Variants in SGSM2 observed in about 807,000 individuals in gnomAD.
SGSM2 encodes the protein RUN and TBC1 domain containing 1.
SGSM2 carries 89 observed loss-of-function variants against 126.6 expected under a neutral mutation model. The observed-to-expected ratio is 0.70, with a 90% confidence interval of 0.59 to 0.84. SGSM2 has a LOEUF of 0.84. Ranked by LOEUF, SGSM2 falls within the 40% of genes least tolerant of loss-of-function variation. The pLI is 0.00. For missense variants in SGSM2, 1,404 were observed against 1,416.6 expected (o/e 0.99, Z 0.14); for synonymous variants, 614 against 574.3 (o/e 1.07, Z -0.99).
At position 2,373,345 on chromosome 17, in the gene SGSM2, G is replaced by A; in HGVS notation, c.1932G>A (p.Val644=). 2 of 1,612,572 alleles carry A rather than the reference G, an allele frequency of 1.2e-6. No individual in the cohort carries two copies. The highest frequency in any genetic ancestry group is 1.7e-6 in the Non-Finnish European group (2 of 1,179,798). Reference sequence around the variant, plus strand: ...TCTGAGTACAGGTGGACGCAGTGGTGGCAGCAAGGTACCAGCAGGTGTTGG... The same window carrying A: ...TCTGAGTACAGGTGGACGCAGTGGTAGCAGCAAGGTACCAGCAGGTGTTGG... ...KKEMEQVDAV[V]AARYQQVLAE... Residue 644 remains valine, a synonymous_variant, in exon 17 of 24, where the codon GTG becomes GTA. Transcript: ENST00000268989.
chr17:2,377,067 A>C lies in SGSM2; in HGVS notation c.2801A>C (p.Gln934Pro), dbSNP rs893562618. ...THFANMRSLIQILDSELFELM... is the reference protein window; with the variant it reads ...THFANMRSLIPILDSELFELM... ...TTTGCCAACATGCGCTCCCTCATCC[A>C]GGTGAGGCCGGTTGCCACCCATGGG... Residue 934 changes from glutamine to proline, a missense_variant and splice_region_variant, in exon 21 of 24, where the codon CAG (glutamine) becomes CCG (proline). Coordinates refer to ENST00000268989, the MANE Select transcript of SGSM2 (RefSeq NM_014853.3). 3.1e-6 allele frequency: 5 copies of C among 1,606,100 alleles called. No individual in the cohort carries two copies. The African/African-American group carries it at 4.0e-5, about 13-fold the overall frequency.
At chr17:2,361,482 G>A (rs960900739) in intron 2 of SGSM2, among the ~76,000 whole-genome samples, 155 bp from the exon 3 acceptor site, 11 of 152,196 alleles carry the variant, frequency 7.2e-5, no homozygotes, top group African/African-American at 2.7e-4. Context: ...CCGAGGGACG[G>A]GGAGGGGAAT....
Position 2,372,696 on chromosome 17 carries a change from C to A in SGSM2, c.1788+208C>A. 1.2e-6 allele frequency: 1 copy of A among 814,870 alleles called. No individual in the cohort carries two copies. The highest frequency in any genetic ancestry group is 1.9e-6 in the Non-Finnish European group (1 of 518,428). The allele number at this position is 814,870 out of a possible 1,614,324, so 50.5% of individuals were successfully genotyped here. On this transcript the variant is annotated intron_variant, in intron 15 of 23. Transcript: ENST00000268989. This position sits in a 1 kb window ranked among gnomAD's most constrained non-coding sequence, Gnocchi z 6.0. ...CTGGGAAGCCGTCCTGCCTCCACAT[C>A]GCCCTGTGACCCTGGACAAAGCTTT...
rs2066341687 is a variant in SGSM2 at position 2,379,897 on chromosome 17, A to T, written c.*377A>T. On this transcript the variant is annotated 3_prime_UTR_variant, in exon 24 of 24. Transcript: ENST00000268989. ...CAGGGGCTATAGCGGCCTGGGCCCT[A>T]CTCAGCTGGGGTGGCAGAGGGCGAG... 7.7e-7 allele frequency: 1 copy of T among 1,295,114 alleles called. No individual in the cohort carries two copies. Among genetic ancestry groups the T allele is most frequent in the Non-Finnish European group, 9.8e-7 (1 of 1,016,404 alleles). 80.2% of individuals were successfully genotyped at this position (1,295,114 alleles called of 1,614,324 possible). A position where few individuals can be genotyped will look rare whatever the true frequency, so the allele number is the denominator to read the frequency against.
At chr17:2,359,564 G>C (rs1039888310) in intron 2 of SGSM2, among the ~76,000 whole-genome samples, 2 of 152,136 alleles carry the variant, frequency 1.3e-5, no homozygotes, top group Non-Finnish European at 2.9e-5. Flanking sequence ...GCTTCTCTCA[G>C]TATTCCTTAG....
Position 2,367,365 on chromosome 17 carries a change from G to C in SGSM2, c.1383G>C (p.Met461Ile). 1 of 1,614,176 alleles carries C rather than the reference G, an allele frequency of 6.2e-7. No individual in the cohort carries two copies. Among genetic ancestry groups the C allele is most frequent in the Non-Finnish European group, 8.5e-7 (1 of 1,180,030 alleles). ...ATAAACTGCACGCGATGCTCTCAATGATCTGCTCGCGGAACCTCACAGCTC... is the reference window on the plus strand; with the variant it reads ...ATAAACTGCACGCGATGCTCTCAATCATCTGCTCGCGGAACCTCACAGCTC... Reference protein sequence around the residue: ...EEDKLHAMLSMICSRNLTAPN... With the variant: ...EEDKLHAMLSIICSRNLTAPN... Residue 461 changes from methionine to isoleucine, a missense_variant, in exon 12 of 24, where the codon ATG becomes ATC. Physicochemically the swap from Met to Ile is conservative, Grantham distance 10. Transcript: ENST00000268989. This position sits in a 1 kb window ranked among gnomAD's most constrained non-coding sequence, Gnocchi z 4.0.
At chr17:2,346,130 C>T (rs961365008) in intron 2 of SGSM2, among the ~76,000 whole-genome samples, 2 of 152,150 alleles carry the variant, frequency 1.3e-5, no homozygotes, top group Non-Finnish European at 2.9e-5. Context: ...CTGTGCCTTG[C>T]TACTGTCCTA....
chr17:2,342,542 G>T (rs188650921), intron 1 of SGSM2, among the ~76,000 whole-genome samples: 2 of 152,290 alleles, frequency 1.3e-5, no homozygotes, highest in Admixed American at 1.3e-4. Flanking sequence ...CGAGGGTGTT[G>T]GTCACATGTT....
At chr17:2,339,902 A>G (rs1388532908) in intron 1 of SGSM2, among the ~76,000 whole-genome samples, 1 of 152,132 alleles carries the variant, frequency 6.6e-6, no homozygotes, top group African/African-American at 2.4e-5. Context: ...AGGATTTCTT[A>G]GGCCAGGGGT....
intron 1 of SGSM2, among the ~76,000 whole-genome samples, chr17:2,342,411 G>A (rs1412688377): frequency 6.6e-6 from 1 of 152,008 alleles, no homozygotes; most frequent in Non-Finnish European, 1.5e-5. Context: ...GCAAAAGAGC[G>A]AAACTCCATT....
rs1476008396 is a variant in SGSM2 at position 2,364,898 on chromosome 17, G to GCTCT, written c.1002_1003insCTCT (p.Ser335LeufsTer2). ...CGCACTCTCCACGTTCACCCCCAGA[G>GCTCT]AGCGGTGGCACGCTTGTGCTGGTGA... On this transcript the variant is annotated frameshift_variant and splice_region_variant, in exon 10 of 24. Transcript: ENST00000268989. LOFTEE classifies it high-confidence loss of function. The GCTCT allele has an allele frequency of 2.5e-6, 4 of 1,608,892 alleles. No homozygotes were observed. In the Admixed American group the frequency reaches 6.7e-5, roughly 27 times the overall value.
chr17:2,372,574 T>C lies in SGSM2; in HGVS notation c.1788+86T>C, dbSNP rs763868274. On this transcript the variant is annotated intron_variant, in intron 15 of 23. Coordinates refer to ENST00000268989, the MANE Select transcript of SGSM2 (RefSeq NM_014853.3). This position sits in a 1 kb window ranked among gnomAD's most constrained non-coding sequence, Gnocchi z 6.0. ...CTTCAGGGTAAAATGTGCCAGTGGG[T>C]GCGGTTGACAGGCCAGGGCCGATGC... The C allele has an allele frequency of 1.3e-6, 2 of 1,528,120 alleles. No individual in the cohort carries two copies. Among genetic ancestry groups the C allele is most frequent in the East Asian group, 4.6e-5 (2 of 43,260 alleles). 94.7% of individuals were successfully genotyped at this position (1,528,120 alleles called of 1,614,324 possible).
rs1281618785 is a variant in SGSM2, at chr17:2,364,093, C to T, written c.842C>T (p.Ser281Phe). ...EDMEAVPGYLSLHQSAESLTL... is the reference protein window; with the variant it reads ...EDMEAVPGYLFLHQSAESLTL... ...ATGGAGGCGGTCCCTGGCTACCTCTCCCTGCACCAGTCTGCAGAGAGCCTG... is the reference window on the plus strand; with the variant it reads ...ATGGAGGCGGTCCCTGGCTACCTCTTCCTGCACCAGTCTGCAGAGAGCCTG... The change falls in exon 8 of 24, where the codon TCC (serine) becomes TTC (phenylalanine). Residue 281 changes from serine (S) to phenylalanine (F), a missense_variant. Transcript: ENST00000268989. 1.9e-6 allele frequency: 3 copies of T among 1,613,948 alleles called. No individual in the cohort carries two copies. The East Asian group carries it at 6.7e-5, about 36-fold the overall frequency.
Position 2,371,415 on chromosome 17 carries a change from G to T in SGSM2, c.1577G>T (p.Arg526Leu). 1 of 1,592,762 alleles carries T rather than the reference G, an allele frequency of 6.3e-7. No individual in the cohort carries two copies. Among genetic ancestry groups the T allele is most frequent in the Non-Finnish European group, 8.6e-7 (1 of 1,168,666 alleles). Residue 526 changes from arginine (R) to leucine (L), a missense_variant and splice_region_variant, in exon 13 of 24, where the codon CGG (arginine) becomes CTG (leucine). Arg to Leu is a moderately radical substitution (Grantham distance 102). Coordinates refer to ENST00000268989, the MANE Select transcript of SGSM2 (RefSeq NM_014853.3). ...AGCCACTGTAGCTGCATCCCCGACC[G>T]GTGAGTGGGCAGCGCTCGGCCCCAG... ...TPSHCSCIPD[R>L]LPLRLLCESM...
rs1471614246 is a variant in SGSM2, at chr17:2,371,317, C to T, written c.1479C>T (p.His493=). The stretch of plus-strand genomic sequence containing the variant: ...TTGGGCCCAGCCTGCCAGCCTGGCA[C>T]CTGGAGCCCCTGTGCAGTCAGGGCT... ...QGFGPSLPAW[H]LEPLCSQGSS... Residue 493 remains histidine, a synonymous_variant, in exon 13 of 24, where the codon CAC becomes CAT. Coordinates refer to ENST00000268989, the MANE Select transcript of SGSM2 (RefSeq NM_014853.3). 2.5e-6 allele frequency: 4 copies of T among 1,612,474 alleles called. No homozygotes were observed. The highest frequency in any genetic ancestry group is 3.4e-6 in the Non-Finnish European group (4 of 1,179,906).
rs1283791957 is a variant in SGSM2, at chr17:2,372,455, G to A, written c.1755G>A (p.Lys585=). The A allele has an allele frequency of 6.2e-7, 1 of 1,601,414 alleles. No homozygotes were observed. Among genetic ancestry groups the A allele is most frequent in the African/African-American group, 1.3e-5 (1 of 74,326 alleles). Residue 585 remains lysine (K), a synonymous_variant, in exon 15 of 24, where the codon AAG becomes AAA. Coordinates refer to ENST00000268989, the MANE Select transcript of SGSM2 (RefSeq NM_014853.3). The surrounding 1 kb of genome is among the most constrained non-coding windows in gnomAD (Gnocchi z 6.0). The part of the protein sequence containing the change: ...RPPGASAGLT[K]DVWSKYQKDK... ...CGGGGGCCTCCGCGGGCCTCACCAA[G>A]GACGTGTGGAGCAAGTATCAGAAGG...
chr17:2,369,106 G>A (rs975741701), intron 12 of SGSM2, among the ~76,000 whole-genome samples: 7 of 152,192 alleles, frequency 4.6e-5, no homozygotes, highest in African/African-American at 1.7e-4. Context: ...GGAAAGGAGA[G>A]GAGGCATAAG....
chr17:2,357,659 G>A (rs1270357358), intron 2 of SGSM2, among the ~76,000 whole-genome samples: 4 of 151,954 alleles, frequency 2.6e-5, no homozygotes, highest in African/African-American at 7.3e-5. Context: ...CACGACACCC[G>A]GCTAATTTTT....
rs772163650 is a variant in SGSM2, at chr17:2,372,503, G to T, written c.1788+15G>T. ...AGGACAAAAAGGTGCCAACCCTGGG[G>T]TTCCAGGGCCACAGGTCGAGGGGCT... On this transcript the variant is annotated intron_variant, in intron 15 of 23. Coordinates refer to ENST00000268989, the MANE Select transcript of SGSM2 (RefSeq NM_014853.3). The surrounding 1 kb of genome is among the most constrained non-coding windows in gnomAD (Gnocchi z 6.0). 3.1e-6 allele frequency: 5 copies of T among 1,595,722 alleles called. No homozygotes were observed. The East Asian group carries it at 6.7e-5, about 22-fold the overall frequency.
Sources: allele counts gnomAD v4.1 joint callset (sites outside exome capture counted in the v4.1 genomes callset), GRCh38; gene constraint gnomAD v4.1.1; non-coding constraint Gnocchi (gnomAD v3.1); transcripts MANE v1.5; gene names NCBI Gene and HGNC (gene_info 2026-07-23, HGNC 2026-07-21).